The following KCTD8 variants were observed in gnomAD, a reference collection of about 807,000 sequenced individuals.
KCTD8 encodes the protein potassium channel tetramerization domain containing 8, also known as BTB/POZ domain-containing protein KCTD8.
Under a neutral mutation model 31.5 loss-of-function variants are expected in KCTD8, and 27 were observed. The observed-to-expected ratio is 0.86, with a 90% confidence interval of 0.63 to 1.18. The LOEUF (loss-of-function observed/expected upper bound fraction) is 1.18, where lower values mean the gene tolerates loss of function less well. KCTD8 is among the 50% of genes most tolerant of loss of function. The pLI is 0.00. For missense variants in KCTD8, 658 were observed against 647.7 expected, an observed-to-expected ratio of 1.02 and a Z score of -0.17; for synonymous variants, 290 against 280.0, an observed-to-expected ratio of 1.04 and a Z score of -0.36.
rs1428755140 is a variant in KCTD8, at chr4:44,174,112, C to T, written c.*678G>A. ...AATAACAGTATAAGGCATATTTACA[C>T]CATCTTAATATACATAAACACCATA... is the stretch of plus-strand genomic sequence containing the variant. On this transcript the variant is annotated 3_prime_UTR_variant, in exon 2 of 2. Transcript: ENST00000360029. The T allele has an allele frequency of 6.6e-6, 1 of 152,162 alleles. No individual in the cohort carries two copies. The highest frequency in any genetic ancestry group is 1.5e-5 in the Non-Finnish European group (1 of 68,016). The allele number at this position is 152,162 out of a possible 1,614,324, so 9.4% of individuals were successfully genotyped here.
chr4:44,445,438 C>G lies in KCTD8; in HGVS notation c.961+2125G>C, dbSNP rs1721915679. Reference sequence around the variant, plus strand: ...AGAGGTCATTAATAATATGAGTACTCTGAAAGTAGTTATTCATAATATGAA... The same window carrying G: ...AGAGGTCATTAATAATATGAGTACTGTGAAAGTAGTTATTCATAATATGAA... On this transcript the variant is annotated intron_variant, in intron 1 of 1. Transcript: ENST00000360029. Among the ~76,000 whole-genome samples the G allele has an allele frequency of 3.3e-5, 5 of 152,188 alleles. No homozygotes were observed. The South Asian group carries it at 1.0e-3, about 32-fold the overall frequency.
intron 1 of KCTD8, among the ~76,000 whole-genome samples, chr4:44,357,532 C>G (rs1458714834): frequency 6.6e-6 from 1 of 152,094 alleles, no homozygotes; most frequent in Non-Finnish European, 1.5e-5. Flanking sequence ...GGTCACTTAA[C>G]ACCACTATTA....
At chr4:44,431,675 ACTC>A (rs1174031440) in intron 1 of KCTD8, among the ~76,000 whole-genome samples, 1 of 151,568 alleles carries the variant, frequency 6.6e-6, no homozygotes, top group East Asian at 1.9e-4. Flanking sequence ...TGACAGATAT[ACTC>A]AGGTGACCAG....
In KCTD8 at chr4:44,281,479, C is replaced by G. The variant is rs138594486; in HGVS notation, c.962-106229G>C. 2.2e-3 allele frequency among the ~76,000 whole-genome samples: 330 copies of G among 152,222 alleles called. 1 individual carries two copies. The highest frequency in any genetic ancestry group is 3.4e-3 in the Middle Eastern group (1 of 294). ...TGCTTCCAACAAATTCTTCTGGACA[C>G]TACTCTGAACAAGCTGATGTGTACA... On this transcript the variant is annotated intron_variant, in intron 1 of 1. Transcript: ENST00000360029.
intron 1 of KCTD8, among the ~76,000 whole-genome samples, chr4:44,398,875 A>G (rs544743597): frequency 2.6e-5 from 4 of 152,300 alleles, no homozygotes; most frequent in African/African-American, 9.6e-5. Context: ...ATTGATTCCA[A>G]AGAAGACAAG....
At chr4:44,401,289 C>G (rs1478058278) in intron 1 of KCTD8, among the ~76,000 whole-genome samples, 1 of 152,074 alleles carries the variant, frequency 6.6e-6, no homozygotes, top group African/African-American at 2.4e-5. Context: ...CTGACCATAT[C>G]AGAAGACCTG....
intron 1 of KCTD8, among the ~76,000 whole-genome samples, chr4:44,202,753 C>A (rs185013507): frequency 6.6e-6 from 1 of 152,176 alleles, no homozygotes; most frequent in East Asian, 1.9e-4. Context: ...CCTGCACATG[C>A]ACCCCCAAAT....
At chr4:44,267,579 A>C (rs995374571) in intron 1 of KCTD8, among the ~76,000 whole-genome samples, 1 of 152,038 alleles carries the variant, frequency 6.6e-6, no homozygotes, top group Non-Finnish European at 1.5e-5. Context: ...ACAAATAAAA[A>C]CCCTCAAAAA....
chr4:44,438,089 A>G (rs1721720256), intron 1 of KCTD8, among the ~76,000 whole-genome samples: 1 of 152,150 alleles, frequency 6.6e-6, no homozygotes, highest in African/African-American at 2.4e-5. Flanking sequence ...GTGCAGACTC[A>G]CCAACCAGAA....
At chr4:44,425,723 A>G (rs1027528245) in intron 1 of KCTD8, among the ~76,000 whole-genome samples, 2 of 152,028 alleles carry the variant, frequency 1.3e-5, no homozygotes. Flanking sequence ...GACAAAAGAT[A>G]GAGGGAGCTA....
chr4:44,409,083 A>G (rs998562429), intron 1 of KCTD8, among the ~76,000 whole-genome samples: 22 of 151,888 alleles, frequency 1.4e-4, no homozygotes, highest in Admixed American at 1.4e-3. Context: ...TCTCTACAAA[A>G]AAATCCAAAA....
At chr4:44,228,986 T>G (rs1483341288) in intron 1 of KCTD8, among the ~76,000 whole-genome samples, 1 of 152,232 alleles carries the variant, frequency 6.6e-6, no homozygotes, top group Non-Finnish European at 1.5e-5. Context: ...TTCACCAGAC[T>G]TCCTCAGTTT....
intron 1 of KCTD8, among the ~76,000 whole-genome samples, chr4:44,248,912 C>T (rs1446676347): frequency 6.6e-6 from 1 of 151,858 alleles, no homozygotes; most frequent in East Asian, 1.9e-4. Flanking sequence ...AACAAAAACT[C>T]TCTTGTGCCG....
At chr4:44,257,899 T>C (rs79127360) in intron 1 of KCTD8, among the ~76,000 whole-genome samples, 8,107 of 152,088 alleles carry the variant, frequency 0.053, 734 homozygotes, top group African/African-American at 0.19. Context: ...AATATAAGAT[T>C]GAAGTACCTA....
chr4:44,181,848 T>A (rs1244462661), intron 1 of KCTD8, among the ~76,000 whole-genome samples: 1 of 148,958 alleles, frequency 6.7e-6, no homozygotes, highest in Non-Finnish European at 1.5e-5. Flanking sequence ...GGGGAGCGCC[T>A]CTGCCCGGCC....
chr4:44,202,229 T>G (rs1714171835), intron 1 of KCTD8, among the ~76,000 whole-genome samples: 1 of 152,312 alleles, frequency 6.6e-6, no homozygotes, highest in African/African-American at 2.4e-5. Context: ...GAAGGCAGTT[T>G]GGAGATCTCT....
At chr4:44,389,079 T>C (rs1720301328) in intron 1 of KCTD8, among the ~76,000 whole-genome samples, 1 of 151,662 alleles carries the variant, frequency 6.6e-6, no homozygotes, top group South Asian at 2.1e-4. Context: ...ATTAAAACAA[T>C]TGAACTCACA....
intron 1 of KCTD8, among the ~76,000 whole-genome samples, chr4:44,227,008 T>C (rs1293323645): frequency 1.3e-5 from 2 of 152,218 alleles, no homozygotes; most frequent in Non-Finnish European, 2.9e-5. Flanking sequence ...ACTCTGATGA[T>C]AGTTTCATTT....
At chr4:44,363,361 C>T (rs1719549858) in intron 1 of KCTD8, among the ~76,000 whole-genome samples, 1 of 152,154 alleles carries the variant, frequency 6.6e-6, no homozygotes, top group South Asian at 2.1e-4. Flanking sequence ...AATTGTAATA[C>T]TGGGACTAGA....
Sources: allele counts gnomAD v4.1 joint callset (sites outside exome capture counted in the v4.1 genomes callset), GRCh38; gene constraint gnomAD v4.1.1; transcripts MANE v1.5; gene names NCBI Gene and HGNC (gene_info 2026-07-23, HGNC 2026-07-21).